Variants in OLFML2A observed in about 807,000 individuals in gnomAD.
The protein encoded by OLFML2A is olfactomedin-like protein 2A.
A neutral mutation model predicts 60.9 loss-of-function variants in OLFML2A; 47 were observed. The ratio of observed to expected loss-of-function variants is 0.77; its 90% CI spans 0.61 to 0.98. The LOEUF (loss-of-function observed/expected upper bound fraction) is 0.98. OLFML2A is among the 50% of genes least tolerant of loss of function. OLFML2A has a pLI of 0.00. For synonymous variants in OLFML2A, 372 were observed against 375.0 expected, an observed-to-expected ratio of 0.99 and a Z score of 0.09; for missense variants, 922 against 879.8, an observed-to-expected ratio of 1.05 and a Z score of -0.61.
chr9:124,792,833 C>A (rs1841593623), intron 2 of OLFML2A, among the ~76,000 whole-genome samples: 1 of 152,144 alleles, frequency 6.6e-6, no homozygotes, highest in Admixed American at 6.5e-5. Context: ...CCCTATTGTC[C>A]CATTTCTTAA....
chr9:124,803,647 G>GT (rs1467659740), intron 5 of OLFML2A, among the ~76,000 whole-genome samples: 2 of 152,236 alleles, frequency 1.3e-5, no homozygotes, highest in African/African-American at 4.8e-5. Flanking sequence ...GAGAAGGCCT[G>GT]TAAAACGGGA....
chr9:124,785,163 G>A (rs563179113), intron 1 of OLFML2A, among the ~76,000 whole-genome samples: 6 of 150,832 alleles, frequency 4.0e-5, no homozygotes, highest in African/African-American at 1.2e-4. Flanking sequence ...CATGTTGGCC[G>A]GGCTGGTCTC....
intron 1 of OLFML2A, among the ~76,000 whole-genome samples, chr9:124,780,860 G>A (rs1257763696): frequency 6.6e-6 from 1 of 152,186 alleles, no homozygotes; most frequent in Admixed American, 6.5e-5. Context: ...GCTCAAAAGA[G>A]TCTGATTGAG....
At chr9:124,783,452 C>T (rs1484156576) in intron 1 of OLFML2A, among the ~76,000 whole-genome samples, 4 of 152,070 alleles carry the variant, frequency 2.6e-5, no homozygotes, top group Admixed American at 1.3e-4. Context: ...CAGAGCAAGA[C>T]CCTGTCTCAA....
At chr9:124,805,925 C>T (rs902312118) in intron 6 of OLFML2A, among the ~76,000 whole-genome samples, 1 of 148,524 alleles carries the variant, frequency 6.7e-6, no homozygotes, top group Non-Finnish European at 1.5e-5. Context: ...AAGAGATTCT[C>T]CTGCCTCAGC....
intron 6 of OLFML2A, 37 bp downstream of exon 6, chr9:124,804,379 T>C: frequency 6.7e-7 from 1 of 1,494,278 alleles, no homozygotes. Context: ...CACTGTAGCC[T>C]GTGCCCAAAT....
In OLFML2A at chr9:124,812,508, T is replaced by A. The variant is rs1431818309; in HGVS notation, c.*2096T>A. ...TACACTTCTTTCAGGCATTGTCAGG[T>A]GCTGTTTTGTTTAAGCTCTAACTCA... On this transcript the variant is annotated 3_prime_UTR_variant, in exon 8 of 8. Transcript: ENST00000373580. 1.3e-5 allele frequency: 2 copies of A among 152,228 alleles called. No homozygotes were observed. Among genetic ancestry groups the A allele is most frequent in the Non-Finnish European group, 2.9e-5 (2 of 68,082 alleles). The allele number at this position is 152,228 out of a possible 1,614,324, so 9.4% of individuals were successfully genotyped here.
chr9:124,790,104 T>A (rs1420982299), intron 2 of OLFML2A, among the ~76,000 whole-genome samples: 1 of 152,168 alleles, frequency 6.6e-6, no homozygotes, highest in East Asian at 1.9e-4. Flanking sequence ...GCTTTACTAG[T>A]GGGAGAATCT....
chr9:124,783,613 C>T (rs757000248), intron 1 of OLFML2A, among the ~76,000 whole-genome samples: 17 of 152,326 alleles, frequency 1.1e-4, no homozygotes, highest in Middle Eastern at 3.4e-3. Flanking sequence ...AACAGAGGCA[C>T]AGAAATATTA....
intron 6 of OLFML2A, among the ~76,000 whole-genome samples, chr9:124,805,165 C>T (rs991616860): frequency 4.6e-5 from 7 of 152,086 alleles, no homozygotes; most frequent in Non-Finnish European, 2.9e-5. Flanking sequence ...AAATCTTCCT[C>T]GTTAAGTCAT....
In OLFML2A at chr9:124,811,012, T is replaced by G. The variant is rs1163264941; in HGVS notation, c.*600T>G. The G allele has an allele frequency of 6.5e-6, 1 of 153,270 alleles. No homozygotes were observed. The highest frequency in any genetic ancestry group is 1.5e-5 in the Non-Finnish European group (1 of 68,628). The allele number at this position is 153,270 out of a possible 1,614,324, so 9.5% of individuals were successfully genotyped here. A position where few individuals can be genotyped will look rare whatever the true frequency, so the allele number is the denominator to read the frequency against. Reference sequence around the variant, plus strand: ...CCCCTTAGCCAATGTCCTTGTCTCTTGTCTTTGGCCAGCCCCCTCAGCCCA... The same window carrying G: ...CCCCTTAGCCAATGTCCTTGTCTCTGGTCTTTGGCCAGCCCCCTCAGCCCA... On this transcript the variant is annotated 3_prime_UTR_variant, in exon 8 of 8. Coordinates refer to ENST00000373580, the MANE Select transcript of OLFML2A (RefSeq NM_182487.4).
chr9:124,802,126 C>T (rs1185860493), intron 5 of OLFML2A, among the ~76,000 whole-genome samples: 1 of 152,166 alleles, frequency 6.6e-6, no homozygotes, highest in Non-Finnish European at 1.5e-5. Context: ...TCTCCAGCTC[C>T]TCCCTCTTCT....
intron 2 of OLFML2A, among the ~76,000 whole-genome samples, chr9:124,789,436 C>T (rs115321891): frequency 1.3e-3 from 203 of 152,288 alleles, no homozygotes; most frequent in African/African-American, 4.4e-3. Context: ...CAAGTTTCCC[C>T]GGCTCCAATT....
intron 2 of OLFML2A, among the ~76,000 whole-genome samples, chr9:124,788,423 T>C (rs1841518536): frequency 6.6e-6 from 1 of 151,786 alleles, no homozygotes; most frequent in Non-Finnish European, 1.5e-5. Flanking sequence ...CTGGCCAACG[T>C]GGTGAAACCC....
intron 5 of OLFML2A, among the ~76,000 whole-genome samples, chr9:124,803,265 T>G (rs1378398441): frequency 6.6e-6 from 1 of 151,962 alleles, no homozygotes; most frequent in Non-Finnish European, 1.5e-5. Context: ...CCTTCCTTTC[T>G]TTCTTTTTTT....
At chr9:124,787,279 T>C (rs756729620) in intron 2 of OLFML2A, 41 bp downstream of exon 2, 52 of 1,582,992 alleles carry the variant, frequency 3.3e-5, no homozygotes, top group Non-Finnish European at 4.4e-5. Context: ...GGGCCTATCA[T>C]GAGCTGGAGC....
intron 2 of OLFML2A, among the ~76,000 whole-genome samples, chr9:124,787,849 G>A (rs1489006384): frequency 6.6e-6 from 1 of 151,658 alleles, no homozygotes; most frequent in African/African-American, 2.4e-5. Context: ...ATGAGCCACC[G>A]TGCCCGGCCT....
intron 1 of OLFML2A, among the ~76,000 whole-genome samples, chr9:124,782,365 G>A (rs1470368785): frequency 1.3e-5 from 2 of 152,230 alleles, no homozygotes; most frequent in Non-Finnish European, 2.9e-5. Context: ...TGAGCAAATG[G>A]CAGGAAGAGT....
chr9:124,795,205 C>T (rs1291085429), intron 3 of OLFML2A, 74 bp downstream of exon 3: 40 of 844,112 alleles, frequency 4.7e-5, no homozygotes, highest in South Asian at 1.6e-4. Context: ...GAAGGGGCCC[C>T]GGCAATCCAG....
Sources: allele counts gnomAD v4.1 joint callset (sites outside exome capture counted in the v4.1 genomes callset), GRCh38; gene constraint gnomAD v4.1.1; transcripts MANE v1.5; gene names NCBI Gene and HGNC (gene_info 2026-07-23, HGNC 2026-07-21).